Variants in CT45A1 observed in about 807,000 individuals in gnomAD.
CT45A1 encodes cancer/testis antigen 45-1.
chrX:135,710,979 CT>C (rs782779634), upstream of CT45A1, among the ~76,000 whole-genome samples: 33 of 112,166 alleles, frequency 2.9e-4, no homozygotes, highest in Admixed American at 3.1e-3. Context: ...GATATGCCTC[CT>C]CCAAGAAGGT....
At chrX:135,711,480 G>A (rs2087933025), upstream of CT45A1, among the ~76,000 whole-genome samples, 1 of 110,489 alleles carries the variant, frequency 9.1e-6, no homozygotes, top group Admixed American at 9.7e-5. Context: ...TGTCGCCCAG[G>A]CTGGAGTGCA....
At chrX:135,717,904 T>G (rs1261172325) in intron 1 of CT45A1, among the ~76,000 whole-genome samples, 1 of 112,209 alleles carries the variant, frequency 8.9e-6, no homozygotes, top group Non-Finnish European at 1.9e-5. Context: ...ATTTTAAACC[T>G]ATTGTATTTT....
At chrX:135,711,719 C>A (rs1287361864), upstream of CT45A1, among the ~76,000 whole-genome samples, 1 of 112,004 alleles carries the variant, frequency 8.9e-6, no homozygotes, top group Non-Finnish European at 1.9e-5. Context: ...CCAAAACTTT[C>A]GCTGTAATAT....
chrX:135,717,395 A>G (rs2087995828), intron 1 of CT45A1, among the ~76,000 whole-genome samples: 1 of 111,162 alleles, frequency 9.0e-6, no homozygotes, highest in African/African-American at 3.3e-5. Flanking sequence ...CTAAAAATAC[A>G]AAAATTAGCC....
At chrX:135,712,029 C>T (rs781802930), upstream of CT45A1, among the ~76,000 whole-genome samples, 24 of 108,504 alleles carry the variant, frequency 2.2e-4, no homozygotes, top group Non-Finnish European at 4.0e-4. Context: ...TGCAGTGAGC[C>T]GAGATTATGG....
upstream of CT45A1, among the ~76,000 whole-genome samples, chrX:135,711,538 G>A (rs1208056287): frequency 9.0e-6 from 1 of 111,301 alleles, no homozygotes; most frequent in Admixed American, 9.6e-5. Flanking sequence ...AGGTTCAAGT[G>A]ATTCTCCTGC....
At chrX:135,715,867 A>C in intron 1 of CT45A1, among the ~76,000 whole-genome samples, 1 of 98,561 alleles carries the variant, frequency 1.0e-5, no homozygotes, top group Admixed American at 1.2e-4. Context: ...CCCTCCCCCA[A>C]CAGATCCCAC....
At chrX:135,716,872 G>A (rs1285153280) in intron 1 of CT45A1, among the ~76,000 whole-genome samples, 7 of 111,436 alleles carry the variant, frequency 6.3e-5, no homozygotes, top group African/African-American at 2.0e-4. Context: ...TTTATTAAAA[G>A]CACTGTCTTT....
At chrX:135,711,218 A>G (rs2087931713), upstream of CT45A1, among the ~76,000 whole-genome samples, 1 of 111,720 alleles carries the variant, frequency 9.0e-6, no homozygotes, top group Non-Finnish European at 1.9e-5. Context: ...TTTCATTTTG[A>G]TAACACTAGA....
intron 2 of CT45A1, among the ~76,000 whole-genome samples, chrX:135,719,684 GA>G (rs1380440755): frequency 2.1e-5 from 2 of 96,983 alleles, no homozygotes; most frequent in Admixed American, 2.3e-4. Context: ...AAAAATTCCT[GA>G]ACCCCAGCAT....
chrX:135,716,728 C>T (rs1296455840), intron 1 of CT45A1, among the ~76,000 whole-genome samples: 5 of 111,342 alleles, frequency 4.5e-5, no homozygotes, highest in Admixed American at 3.8e-4. Context: ...TTAAAAACAT[C>T]TTTGCCTATA....
upstream of CT45A1, chrX:135,713,487 G>A (rs782343157): frequency 9.5e-5 from 61 of 642,317 alleles, no homozygotes; most frequent in Non-Finnish European, 1.1e-4. Flanking sequence ...GTGGCTGGCT[G>A]CTTCCCTTCC....
At chrX:135,718,524 C>G (rs2883208) in intron 1 of CT45A1, among the ~76,000 whole-genome samples, 4 of 109,437 alleles carry the variant, frequency 3.7e-5, no homozygotes, top group Admixed American at 9.9e-5. Flanking sequence ...ACATATTTTG[C>G]ATAATATAAT....
chrX:135,718,072 C>G lies in CT45A1; in HGVS notation c.-6-863C>G, dbSNP rs183649351. Among the ~76,000 whole-genome samples the G allele has an allele frequency of 1.3e-3, 146 of 111,839 alleles. 2 individuals carry two copies. Among genetic ancestry groups the G allele is most frequent in the South Asian group, 6.0e-3 (16 of 2,680 alleles). ...TACATATGCTAACCAGAATAGGAAACTTGCCCTTTTTCCTAAGTTGGTGAT... is the reference window on the plus strand; with the variant it reads ...TACATATGCTAACCAGAATAGGAAAGTTGCCCTTTTTCCTAAGTTGGTGAT... On this transcript the variant is annotated intron_variant, in intron 1 of 4. Coordinates refer to ENST00000594565, the MANE Select transcript of CT45A1 (RefSeq NM_001017417.3).
At chrX:135,713,497 C>T (rs1382590113), upstream of CT45A1, 4 of 697,052 alleles carry the variant, frequency 5.7e-6, no homozygotes, top group African/African-American at 2.6e-5. Flanking sequence ...GCTTCCCTTC[C>T]TTCCATCCCC....
chrX:135,714,657 G>A (rs1444981871), intron 1 of CT45A1, among the ~76,000 whole-genome samples: 3 of 110,756 alleles, frequency 2.7e-5, no homozygotes, highest in East Asian at 5.7e-4. Context: ...CAGCCACTCC[G>A]ATGGGTGTGC....
At chrX:135,711,917 C>T (rs781816788), upstream of CT45A1, among the ~76,000 whole-genome samples, 1 of 109,869 alleles carries the variant, frequency 9.1e-6, no homozygotes, top group East Asian at 2.9e-4. Flanking sequence ...ACTGTCTCTA[C>T]TAAAAATACA....
intron 1 of CT45A1, among the ~76,000 whole-genome samples, chrX:135,714,095 CTA>C (rs1829216424): frequency 9.3e-6 from 1 of 107,946 alleles, no homozygotes. Flanking sequence ...CTTGGGGACT[CTA>C]TCTGTTCTCA....
At chrX:135,714,706 C>T (rs1435222015) in intron 1 of CT45A1, among the ~76,000 whole-genome samples, 2 of 110,477 alleles carry the variant, frequency 1.8e-5, no homozygotes, top group Admixed American at 9.7e-5. Flanking sequence ...ATTTCTCTGC[C>T]GATTAATGAG....
Sources: gnomAD v4.1 joint callset for allele counts (sites outside exome capture counted in the v4.1 genomes callset) on GRCh38, gnomAD v4.1.1 for gene constraint, MANE v1.5 for transcripts, NCBI Gene and HGNC (gene_info 2026-07-23, HGNC 2026-07-21) for gene names.